Variants in UBE2D1 observed in about 807,000 individuals in gnomAD.
UBE2D1 encodes the protein ubiquitin-conjugating enzyme E2 D1.
UBE2D1 carries 9 observed loss-of-function variants against 24.6 expected under a neutral mutation model. The observed-to-expected ratio is 0.37, with a 90% CI of 0.22 to 0.64. The LOEUF (loss-of-function observed/expected upper bound fraction) is 0.64, where lower values mean the gene tolerates loss of function less well. UBE2D1 is among the 30% of genes least tolerant of loss of function. UBE2D1 has a pLI of 0.64. For synonymous variants in UBE2D1, 57 were observed against 57.6 expected, an observed-to-expected ratio of 0.99 and a Z score of 0.04; for missense variants, 87 against 177.1, an observed-to-expected ratio of 0.49 and a Z score of 2.89.
At chr10:58,344,073 G>A (rs1839990204) in intron 1 of UBE2D1, among the ~76,000 whole-genome samples, 2 of 152,130 alleles carry the variant, frequency 1.3e-5, no homozygotes, top group Admixed American at 1.3e-4. Flanking sequence ...CTCTCAGAGT[G>A]TCTTTAAACA....
chr10:58,347,353 A>C (rs1208348540), intron 1 of UBE2D1, among the ~76,000 whole-genome samples: 1 of 152,224 alleles, frequency 6.6e-6, no homozygotes, highest in Non-Finnish European at 1.5e-5. Context: ...GTAAGCCTTC[A>C]TAAAACAGAT....
In UBE2D1 at chr10:58,336,463, G is replaced by A. The variant is rs565921305; in HGVS notation, c.24+1238G>A. The stretch of plus-strand genomic sequence containing the variant: ...GTGACATCTTTAGGTACAGAGGACA[G>A]CAACTTTTAGAGCCTGCCAGTTTTT... On this transcript the variant is annotated intron_variant, in intron 1 of 6. Coordinates refer to ENST00000373910, the MANE Select transcript of UBE2D1 (RefSeq NM_003338.5). 2.6e-5 allele frequency among the ~76,000 whole-genome samples: 4 copies of A among 152,304 alleles called. No homozygotes were observed. The East Asian group carries it at 5.8e-4, about 22-fold the overall frequency.
In UBE2D1 at chr10:58,364,555, G is replaced by A. The variant is rs1840235731; in HGVS notation, c.199-216G>A. ...AAAATACTCTTCAGTTCCTTTGAGG[G>A]CAAAAGAAGGAAGCTGACTTGTTTG... is the stretch of plus-strand genomic sequence containing the variant. On this transcript the variant is annotated intron_variant, in intron 4 of 6. Transcript: ENST00000373910. The A allele has an allele frequency of 6.3e-6, 3 of 473,710 alleles. No homozygotes were observed. The East Asian group carries it at 1.0e-4, about 16-fold the overall frequency. The allele number at this position is 473,710 out of a possible 1,614,324, so 29.3% of individuals were successfully genotyped here.
Position 58,361,517 on chromosome 10 carries a change from T to C in UBE2D1, c.111T>C (p.Ile37=). Residue 37 remains isoleucine, a synonymous_variant, in exon 3 of 7, where the codon ATT becomes ATC. Transcript: ENST00000373910. ...CAGTGTTCCACTGGCAAGCCACTAT[T>C]ATGGGGCCTGTAAGTATGATTCATA... is the stretch of plus-strand genomic sequence containing the variant. The part of the protein sequence containing the change: ...GDDLFHWQAT[I]MGPPDSAYQG... The C allele has an allele frequency of 6.2e-7, 1 of 1,614,126 alleles. No individual in the cohort carries two copies. Among genetic ancestry groups the C allele is most frequent in the Non-Finnish European group, 8.5e-7 (1 of 1,180,006 alleles).
At chr10:58,355,747 C>T (rs1840124759) in intron 1 of UBE2D1, among the ~76,000 whole-genome samples, 2 of 152,096 alleles carry the variant, frequency 1.3e-5, no homozygotes, top group Admixed American at 6.6e-5. Context: ...CATATATATC[C>T]TTAACCTAAC....
At chr10:58,338,864 A>G (rs1377101022) in intron 1 of UBE2D1, among the ~76,000 whole-genome samples, 1 of 152,216 alleles carries the variant, frequency 6.6e-6, no homozygotes, top group East Asian at 1.9e-4. Flanking sequence ...TCAGAGAACT[A>G]TTCCTTAGTG....
intron 1 of UBE2D1, among the ~76,000 whole-genome samples, chr10:58,336,451 G>A (rs187091298): frequency 5.9e-5 from 9 of 152,132 alleles, no homozygotes; most frequent in African/African-American, 1.9e-4. Context: ...ACATCTTTAG[G>A]TACAGAGGAC....
chr10:58,349,715 AT>A (rs1409422400), intron 1 of UBE2D1, among the ~76,000 whole-genome samples: 2 of 152,116 alleles, frequency 1.3e-5, no homozygotes, highest in Non-Finnish European at 2.9e-5. Flanking sequence ...AGCTTGACCA[AT>A]TTTTACAAAG....
intron 4 of UBE2D1, 107 bp downstream of exon 4, chr10:58,363,793 G>A (rs1840225848): frequency 2.8e-6 from 2 of 726,776 alleles, no homozygotes; most frequent in Non-Finnish European, 2.1e-6. Flanking sequence ...AAGACTGTGG[G>A]GAGGTTAGCA....
In UBE2D1 at chr10:58,363,689, AT is replaced by A; in HGVS notation, c.198+8del. 1.3e-6 allele frequency: 2 copies of A among 1,591,618 alleles called. No homozygotes were observed. Among genetic ancestry groups the A allele is most frequent in the South Asian group, 1.1e-5 (1 of 88,982 alleles). ...ATTATCCTTTTAAACCACCAAAGGT[AT>A]TTTTATTTTTATGATTGATGTGACT... On this transcript the variant is annotated splice_donor_region_variant and intron_variant, in intron 4 of 6. Coordinates refer to ENST00000373910, the MANE Select transcript of UBE2D1 (RefSeq NM_003338.5).
chr10:58,358,581 A>G (rs561545549), intron 1 of UBE2D1, among the ~76,000 whole-genome samples: 1 of 152,264 alleles, frequency 6.6e-6, no homozygotes, highest in South Asian at 2.1e-4. Context: ...CTTGGTTGTC[A>G]TAGAAACTGT....
chr10:58,358,162 A>G (rs1328683406), intron 1 of UBE2D1, among the ~76,000 whole-genome samples: 2 of 152,180 alleles, frequency 1.3e-5, no homozygotes, highest in African/African-American at 2.4e-5. Flanking sequence ...GAAAATCAGT[A>G]TGTATTTGTG....
intron 1 of UBE2D1, among the ~76,000 whole-genome samples, chr10:58,337,267 C>A (rs1564556686): frequency 2.0e-5 from 3 of 152,166 alleles, no homozygotes. Context: ...TTTCTGATAT[C>A]AGGAAAATCG....
chr10:58,340,103 TC>T (rs1469787987), intron 1 of UBE2D1, among the ~76,000 whole-genome samples: 2 of 152,214 alleles, frequency 1.3e-5, no homozygotes, highest in African/African-American at 4.8e-5. Flanking sequence ...AAATTTAGTA[TC>T]CAAATTGAGA....
rs774396274 is a variant in UBE2D1, at chr10:58,347,639, C to CTTTTTTTTTT, written c.24+12425_24+12434dup. Reference sequence around the variant, plus strand: ...TCAAGCTTTTATTCTAAATTACACTCTTTTTTTTTTTTTTTTTTTTGCCCC... The same window carrying CTTTTTTTTTT: ...TCAAGCTTTTATTCTAAATTACACTCTTTTTTTTTTTTTTTTTTTTTTTTTTTTTTGCCCC... On this transcript the variant is annotated intron_variant, in intron 1 of 6. Transcript: ENST00000373910. 9.4e-4 allele frequency among the ~76,000 whole-genome samples: 109 copies of CTTTTTTTTTT among 116,224 alleles called. 2 individuals carry two copies. Among genetic ancestry groups the CTTTTTTTTTT allele is most frequent in the African/African-American group, 3.7e-3 (108 of 29,330 alleles). 76.2% of individuals were successfully genotyped at this position (116,224 alleles called of 152,430 possible).
chr10:58,344,673 TCTAA>T (rs1003488545), intron 1 of UBE2D1, among the ~76,000 whole-genome samples: 54 of 152,260 alleles, frequency 3.5e-4, no homozygotes, highest in African/African-American at 1.3e-3. Flanking sequence ...AATCTTATTC[TCTAA>T]CTAAAGAGCA....
rs185442839 is a variant in UBE2D1, at chr10:58,361,641, C to A, written c.120+115C>A. ...TTGAATATTCTTGTACTTTGAATCA[C>A]CTAGGAAGCAAAATATTATTAAGGA... is the stretch of plus-strand genomic sequence containing the variant. On this transcript the variant is annotated intron_variant, in intron 3 of 6. Transcript: ENST00000373910. 6.6e-6 allele frequency: 9 copies of A among 1,366,416 alleles called. No individual in the cohort carries two copies. The Admixed American group carries it at 1.5e-4, about 23-fold the overall frequency. The allele number at this position is 1,366,416 out of a possible 1,614,324, so 84.6% of individuals were successfully genotyped here.
intron 1 of UBE2D1, among the ~76,000 whole-genome samples, chr10:58,359,653 C>T (rs779973698): frequency 8.7e-4 from 133 of 152,304 alleles, no homozygotes; most frequent in Non-Finnish European, 1.5e-3. Flanking sequence ...TGATCGCCCA[C>T]CTGGGTTTGA....
At position 58,342,259 on chromosome 10, in the gene UBE2D1, A is replaced by C. The variant is rs569020274; in HGVS notation, c.24+7034A>C. On this transcript the variant is annotated intron_variant, in intron 1 of 6. Transcript: ENST00000373910. Reference sequence around the variant, plus strand: ...TCTTGTCTTACCTCTTTCTGGATGTATTTCCCACTGTCCTCTATTCATATG... The same window carrying C: ...TCTTGTCTTACCTCTTTCTGGATGTCTTTCCCACTGTCCTCTATTCATATG... 2.0e-5 allele frequency among the ~76,000 whole-genome samples: 3 copies of C among 152,024 alleles called. No individual in the cohort carries two copies. In the South Asian group the frequency reaches 6.3e-4, roughly 32 times the overall value.
Sources: allele counts gnomAD v4.1 joint callset (sites outside exome capture counted in the v4.1 genomes callset), GRCh38; gene constraint gnomAD v4.1.1; transcripts MANE v1.5; gene names NCBI Gene and HGNC (gene_info 2026-07-23, HGNC 2026-07-21).